The following ABCA5 variants were observed in gnomAD, a reference collection of about 807,000 sequenced individuals.
ABCA5 encodes the protein ATP binding cassette subfamily A member 5.
Under a neutral mutation model 206.0 loss-of-function variants are expected in ABCA5, and 163 were observed. The observed-to-expected ratio is 0.79, with a 90% confidence interval of 0.70 to 0.90. ABCA5 has a LOEUF of 0.90. Ranked by LOEUF, ABCA5 falls within the 40% of genes least tolerant of loss-of-function variation. The pLI is 0.00. For synonymous variants in ABCA5, 609 were observed against 613.8 expected (o/e 0.99, Z 0.11); for missense variants, 1,859 against 1,912.9 (o/e 0.97, Z 0.53).
chr17:69,267,877 G>A, intron 23 of ABCA5, 66 bp downstream of exon 23: 2 of 830,104 alleles, frequency 2.4e-6, no homozygotes, highest in East Asian at 2.6e-5. Flanking sequence ...TTGCAATCAA[G>A]CAAATAGGTT....
intron 22 of ABCA5, among the ~76,000 whole-genome samples, chr17:69,269,973 G>A: frequency 6.6e-6 from 1 of 151,840 alleles, no homozygotes; most frequent in African/African-American, 2.4e-5. Flanking sequence ...TTTTGGAGGG[G>A]GGTGATGGCA....
At chr17:69,267,733 A>G (rs1235995500) in intron 23 of ABCA5, among the ~76,000 whole-genome samples, 1 of 152,210 alleles carries the variant, frequency 6.6e-6, no homozygotes, top group Non-Finnish European at 1.5e-5. Context: ...TGTGAGAATT[A>G]GAGAATATAA....
At chr17:69,294,630 C>T in intron 11 of ABCA5, 25 bp downstream of exon 11, 1 of 1,578,548 alleles carries the variant, frequency 6.3e-7, no homozygotes, top group South Asian at 1.1e-5. Context: ...AATACTATGG[C>T]CTGAATACTA....
intron 24 of ABCA5, among the ~76,000 whole-genome samples, chr17:69,264,085 G>A (rs1166730128): frequency 6.6e-6 from 1 of 152,056 alleles, no homozygotes; most frequent in Non-Finnish European, 1.5e-5. Flanking sequence ...GAATAATGTT[G>A]GTAGTTTGAT....
chr17:69,313,055 A>C (rs765208735), intron 3 of ABCA5, 37 bp downstream of exon 3: 291 of 1,401,788 alleles, frequency 2.1e-4, no homozygotes, highest in Admixed American at 3.4e-4. Context: ...AAAAGGCTTA[A>C]TATTATAAAC....
In ABCA5 at chr17:69,304,688, A is replaced by G; in HGVS notation, c.911T>C (p.Phe304Ser). The G allele has an allele frequency of 6.3e-7, 1 of 1,593,546 alleles. No homozygotes were observed. The highest frequency in any genetic ancestry group is 1.1e-5 in the South Asian group (1 of 86,976). The change falls in exon 7 of 39, where the codon TTC (phenylalanine) becomes TCC (serine). Residue 304 changes from phenylalanine (F) to serine (S), a missense_variant. Phe to Ser is a radical substitution (Grantham distance 155). Transcript: ENST00000392676. ...ACTTACAGATGATAATCCATAAAGG[A>G]AAAAAAGCAGAAATATCACAATGCT... ...SSSIVIFLLF[F>S]LYGLSSVFFA...
rs118025426 is a variant in ABCA5, at chr17:69,315,507, G to A, written c.-15-1077C>T. On this transcript the variant is annotated intron_variant, in intron 1 of 38. Transcript: ENST00000392676. ...TGAAGCATGTAGAAAATAGCTGACCGGGTGCGGTGGCTCACGCCTGTAATC... is the reference window on the plus strand; with the variant it reads ...TGAAGCATGTAGAAAATAGCTGACCAGGTGCGGTGGCTCACGCCTGTAATC... 5.2e-3 allele frequency: 789 copies of A among 152,346 alleles called. 4 individuals carry two copies. Among genetic ancestry groups the A allele is most frequent in the Non-Finnish European group, 7.6e-3 (516 of 68,116 alleles). The allele number at this position is 152,346 out of a possible 1,614,324, so 9.4% of individuals were successfully genotyped here. A position where few individuals can be genotyped will look rare whatever the true frequency, so the allele number is the denominator to read the frequency against.
chr17:69,285,472 A>C, intron 17 of ABCA5: 1 of 152,394 alleles, frequency 6.6e-6, no homozygotes, highest in Non-Finnish European at 1.5e-5. Context: ...AAATTAAAAA[A>C]TAATGCCTCA....
At chr17:69,283,365 C>T (rs905381095) in intron 18 of ABCA5, among the ~76,000 whole-genome samples, 1 of 152,118 alleles carries the variant, frequency 6.6e-6, no homozygotes, top group Admixed American at 6.5e-5. Context: ...TCCACACTTC[C>T]TTTATAATAC....
intron 25 of ABCA5, 29 bp from the exon 26 acceptor site, chr17:69,261,288 G>T: frequency 2.5e-6 from 4 of 1,571,338 alleles, no homozygotes; most frequent in South Asian, 2.4e-5. Flanking sequence ...AAATAAAAGT[G>T]ACAAAGTGTT....
intron 28 of ABCA5, 73 bp from the exon 29 acceptor site, chr17:69,256,356 G>A (rs1377840627): frequency 3.0e-6 from 3 of 1,016,752 alleles, no homozygotes; most frequent in Non-Finnish European, 4.0e-6. Flanking sequence ...TCAGATACTA[G>A]GTAGAGAAAA....
At chr17:69,273,880 T>C (rs1202390782) in intron 20 of ABCA5, 79 bp downstream of exon 20, 4 of 1,373,740 alleles carry the variant, frequency 2.9e-6, no homozygotes, top group Non-Finnish European at 3.9e-6. Flanking sequence ...AAATATAGTT[T>C]TAAAATCCAG....
At chr17:69,283,896 C>CTT in intron 18 of ABCA5, 57 bp downstream of exon 18, 1 of 1,524,036 alleles carries the variant, frequency 6.6e-7, no homozygotes, top group Non-Finnish European at 8.8e-7. Flanking sequence ...TAATTTTTGT[C>CTT]TTATTCACCA....
rs952880780 is a variant in ABCA5 at position 69,251,672 on chromosome 17, T to G, written c.4535+75A>C. On this transcript the variant is annotated intron_variant, in intron 35 of 38. Transcript: ENST00000392676. ...ACATTTAAATTACTAACTATTGCCATGTTTTTGAAATGATGACTTTCAAAA... is the reference window on the plus strand; with the variant it reads ...ACATTTAAATTACTAACTATTGCCAGGTTTTTGAAATGATGACTTTCAAAA... The G allele has an allele frequency of 3.9e-6, 6 of 1,527,684 alleles. No individual in the cohort carries two copies. In the African/African-American group the frequency reaches 4.2e-5, roughly 11 times the overall value. The allele number at this position is 1,527,684 out of a possible 1,614,324, so 94.6% of individuals were successfully genotyped here.
At chr17:69,317,613 T>A (rs1241914212) in intron 1 of ABCA5, 2 of 152,060 alleles carry the variant, frequency 1.3e-5, no homozygotes, top group East Asian at 1.9e-4. Flanking sequence ...GAGGAGAAAC[T>A]GCTTACAAGG....
chr17:69,285,799 C>A (rs1262184339), intron 17 of ABCA5, 99 bp downstream of exon 17: 1 of 1,248,160 alleles, frequency 8.0e-7, no homozygotes, highest in African/African-American at 1.6e-5. Context: ...GGGAGCATGG[C>A]AATACTACAT....
chr17:69,255,894 T>C, intron 29 of ABCA5, 44 bp from the exon 30 acceptor site: 6 of 1,456,276 alleles, frequency 4.1e-6, no homozygotes, highest in Non-Finnish European at 5.6e-6. Context: ...ATAAAACTTA[T>C]CATGAAATGA....
chr17:69,284,198 A>C, intron 17 of ABCA5, 126 bp from the exon 18 acceptor site: 1 of 738,236 alleles, frequency 1.4e-6, no homozygotes, highest in Non-Finnish European at 1.9e-6. Flanking sequence ...TCTACAAAAA[A>C]TAAAAATAAA....
chr17:69,262,908 G>C (rs1324813877), intron 24 of ABCA5, among the ~76,000 whole-genome samples: 1 of 151,862 alleles, frequency 6.6e-6, no homozygotes, highest in Non-Finnish European at 1.5e-5. Context: ...TGTTGGTTTT[G>C]ACTTTTTAAT....
Sources: gnomAD v4.1 joint callset for allele counts (sites outside exome capture counted in the v4.1 genomes callset) on GRCh38, gnomAD v4.1.1 for gene constraint, MANE v1.5 for transcripts, NCBI Gene and HGNC (gene_info 2026-07-23, HGNC 2026-07-21) for gene names.